WDR70: variants seen among roughly 807,000 people sequenced by gnomAD.
WDR70 encodes WD repeat-containing protein 70.
WDR70 carries 53 observed loss-of-function variants against 88.6 expected under a neutral mutation model. That is an observed-to-expected ratio of 0.60 (90% CI 0.48 to 0.75). The LOEUF (loss-of-function observed/expected upper bound fraction) is 0.75, where lower values mean the gene tolerates loss of function less well. Ranked by LOEUF, WDR70 falls within the 30% of genes least tolerant of loss-of-function variation. WDR70 has a pLI of 0.00. For missense variants in WDR70, 610 were observed against 823.2 expected, an observed-to-expected ratio of 0.74 and a Z score of 3.17; for synonymous variants, 280 against 270.0, an observed-to-expected ratio of 1.04 and a Z score of -0.36.
chr5:37,475,465 C>CTA (rs1739451971), intron 7 of WDR70, among the ~76,000 whole-genome samples: 1 of 151,384 alleles, frequency 6.6e-6, no homozygotes, highest in Admixed American at 6.6e-5. Flanking sequence ...CTTGAACTCC[C>CTA]TATCTCAGGT....
Position 37,509,818 on chromosome 5 carries a change from T to G in WDR70, c.841-6696T>G, listed in dbSNP as rs550727928. On this transcript the variant is annotated intron_variant, in intron 8 of 17. Coordinates refer to ENST00000265107, the MANE Select transcript of WDR70 (RefSeq NM_018034.4). ...TTTTTTTTTTTTTTTTAACAGACTT[T>G]CCTTCACTGGGCAACCAGAATATTT... is the stretch of plus-strand genomic sequence containing the variant. 4.3e-3 allele frequency among the ~76,000 whole-genome samples: 651 copies of G among 151,636 alleles called. 4 individuals carry two copies. Among genetic ancestry groups the G allele is most frequent in the Non-Finnish European group, 4.8e-3 (327 of 67,920 alleles).
At chr5:37,410,259 G>A (rs1290591765) in intron 5 of WDR70, among the ~76,000 whole-genome samples, 3 of 143,252 alleles carry the variant, frequency 2.1e-5, no homozygotes, top group African/African-American at 7.9e-5. Flanking sequence ...GGCTGGTCTC[G>A]AACTCCTGGG....
chr5:37,497,886 A>G (rs1000503297), intron 8 of WDR70, among the ~76,000 whole-genome samples: 1 of 152,092 alleles, frequency 6.6e-6, no homozygotes, highest in Non-Finnish European at 1.5e-5. Context: ...CAGTGGTGCA[A>G]TCTTGGCTCA....
At chr5:37,476,354 G>A (rs1010830937) in intron 7 of WDR70, among the ~76,000 whole-genome samples, 4 of 152,058 alleles carry the variant, frequency 2.6e-5, no homozygotes, top group African/African-American at 7.2e-5. Context: ...CCATTTTGCA[G>A]CTGTTTTCAC....
At chr5:37,557,957 A>ACTCTT in intron 9 of WDR70, among the ~76,000 whole-genome samples, 803 of 138,520 alleles carry the variant, frequency 5.8e-3, no homozygotes, top group South Asian at 7.6e-3. Context: ...TCAAAAGAGT[A>ACTCTT]TTATGTATAT....
intron 7 of WDR70, among the ~76,000 whole-genome samples, chr5:37,473,489 TG>T (rs550341735): frequency 1.6e-4 from 25 of 151,920 alleles, no homozygotes; most frequent in Non-Finnish European, 3.5e-4. Context: ...ATTACAGGTG[TG>T]TGCCATCACG....
intron 12 of WDR70, among the ~76,000 whole-genome samples, 188 bp from the exon 13 acceptor site, chr5:37,702,761 T>G (rs181103764): frequency 9.6e-4 from 146 of 152,308 alleles, no homozygotes; most frequent in Admixed American, 4.2e-3. Flanking sequence ...AGTTCCCTCA[T>G]CAGTAAAATG....
intron 10 of WDR70, among the ~76,000 whole-genome samples, chr5:37,642,467 G>C (rs1324384327): frequency 6.6e-6 from 1 of 152,132 alleles, no homozygotes; most frequent in Non-Finnish European, 1.5e-5. Flanking sequence ...CTTTGATACA[G>C]GCATATAATG....
At chr5:37,634,983 C>T (rs1744915962) in intron 10 of WDR70, among the ~76,000 whole-genome samples, 1 of 152,154 alleles carries the variant, frequency 6.6e-6, no homozygotes, top group Admixed American at 6.5e-5. Context: ...CCCTCTTTCC[C>T]TAGATCCTAG....
At chr5:37,490,511 AG>A (rs541631840) in intron 8 of WDR70, among the ~76,000 whole-genome samples, 48 of 152,132 alleles carry the variant, frequency 3.2e-4, no homozygotes, top group Non-Finnish European at 6.3e-4. Context: ...TGCATTGGCT[AG>A]GGTGAGCCTG....
Position 37,620,121 on chromosome 5 carries a change from TA to T in WDR70, c.1092+14884del, listed in dbSNP as rs1744465645. On this transcript the variant is annotated intron_variant, in intron 10 of 17. Coordinates refer to ENST00000265107, the MANE Select transcript of WDR70 (RefSeq NM_018034.4). ...ACCAGTCTTGTTCTTTATCATTTTT[TA>T]TGGTTCTTAGCTTTAGCCAACAAAG... 2.0e-5 allele frequency: 3 copies of T among 152,290 alleles called. No individual in the cohort carries two copies. The South Asian group carries it at 6.2e-4, about 32-fold the overall frequency. 9.4% of individuals were successfully genotyped at this position (152,290 alleles called of 1,614,324 possible). A position where few individuals can be genotyped will look rare whatever the true frequency, so the allele number is the denominator to read the frequency against.
intron 13 of WDR70, among the ~76,000 whole-genome samples, chr5:37,707,247 G>A (rs948816750): frequency 2.3e-4 from 35 of 152,086 alleles, no homozygotes; most frequent in African/African-American, 8.5e-4. Context: ...CTTAAGCATG[G>A]TTAATCAGGT....
At chr5:37,520,227 CTTG>C (rs1421189958) in intron 9 of WDR70, among the ~76,000 whole-genome samples, 3 of 151,852 alleles carry the variant, frequency 2.0e-5, no homozygotes, top group African/African-American at 7.3e-5. Flanking sequence ...TTAAATTTGC[CTTG>C]TTAACATTCA....
At chr5:37,397,991 G>GAAAAAAAA (rs5867347) in intron 5 of WDR70, among the ~76,000 whole-genome samples, 1 of 100,598 alleles carries the variant, frequency 9.9e-6, no homozygotes, top group African/African-American at 4.4e-5. Context: ...TTCGGTCTCA[G>GAAAAAAAA]AAAAAAAAAA....
intron 8 of WDR70, among the ~76,000 whole-genome samples, chr5:37,502,010 A>G (rs1255030181): frequency 6.6e-6 from 1 of 152,174 alleles, no homozygotes; most frequent in Admixed American, 6.6e-5. Context: ...TTGAATCTGT[A>G]GATTGCTTTG....
At position 37,697,680 on chromosome 5, in the gene WDR70, A is replaced by C; in HGVS notation, c.1118A>C (p.Gln373Pro). The C allele has an allele frequency of 6.2e-7, 1 of 1,613,866 alleles. No individual in the cohort carries two copies. Among genetic ancestry groups the C allele is most frequent in the Non-Finnish European group, 8.5e-7 (1 of 1,179,786 alleles). The change falls in exon 11 of 18, where the codon CAG (glutamine) becomes CCG (proline). Residue 373 changes from glutamine to proline, a missense_variant. By Grantham distance (76) the Gln-to-Pro change is moderately conservative. Coordinates refer to ENST00000265107, the MANE Select transcript of WDR70 (RefSeq NM_018034.4). Reference protein sequence around the residue: ...LTVHPKFHYKQAHDSGTDTSC... With the variant: ...LTVHPKFHYKPAHDSGTDTSC... ...GTTCATCCTAAGTTCCACTATAAACAGGCTCATGACTCGGGCACAGACACT... is the reference window on the plus strand; with the variant it reads ...GTTCATCCTAAGTTCCACTATAAACCGGCTCATGACTCGGGCACAGACACT...
intron 9 of WDR70, among the ~76,000 whole-genome samples, chr5:37,522,466 G>T (rs188283244): frequency 4.5e-5 from 5 of 112,058 alleles, no homozygotes; most frequent in African/African-American, 1.7e-4. Flanking sequence ...GTGAGACTCT[G>T]TCTCAAAAAA....
At chr5:37,636,592 G>A (rs1270817884) in intron 10 of WDR70, among the ~76,000 whole-genome samples, 1 of 152,164 alleles carries the variant, frequency 6.6e-6, no homozygotes, top group Non-Finnish European at 1.5e-5. Flanking sequence ...TCTGTAATAA[G>A]ACATATTGAC....
At chr5:37,694,764 G>A (rs1312816187) in intron 10 of WDR70, among the ~76,000 whole-genome samples, 2 of 152,116 alleles carry the variant, frequency 1.3e-5, no homozygotes, top group South Asian at 2.1e-4. Context: ...GTTGATGGGT[G>A]CAGCAAACCA....
Sources: gnomAD v4.1 joint callset for allele counts (sites outside exome capture counted in the v4.1 genomes callset) on GRCh38, gnomAD v4.1.1 for gene constraint, MANE v1.5 for transcripts, NCBI Gene and HGNC (gene_info 2026-07-23, HGNC 2026-07-21) for gene names.